The following ARFGEF1 variants were observed in gnomAD, a reference collection of about 807,000 sequenced individuals.
ARFGEF1 encodes ARF guanine nucleotide exchange factor 1.
ARFGEF1 carries 42 observed loss-of-function variants against 231.0 expected under a neutral mutation model. The observed-to-expected ratio is 0.18, with a 90% CI of 0.14 to 0.24. The LOEUF (loss-of-function observed/expected upper bound fraction) is 0.24. Among genes scored for constraint, ARFGEF1 ranks in the 10% least tolerant of loss-of-function variants. ARFGEF1 has a pLI of 1.00. For synonymous variants in ARFGEF1, 710 were observed against 732.3 expected (o/e 0.97, Z 0.49); for missense variants, 1,345 against 2,192.0 (o/e 0.61, Z 7.72).
chr8:67,196,553 TAATTAA>T (rs1310238481), downstream of ARFGEF1, among the ~76,000 whole-genome samples: 1 of 152,240 alleles, frequency 6.6e-6, no homozygotes, highest in East Asian at 1.9e-4. Context: ...TCCTCTGATG[TAATTAA>T]CGGTTGGTAG....
rs117975044 is a variant in ARFGEF1, at chr8:67,290,523, T to G, written c.916+1324A>C. 7.6e-3 allele frequency among the ~76,000 whole-genome samples: 1,160 copies of G among 152,364 alleles called. 9 individuals carry two copies. The highest frequency in any genetic ancestry group is 0.011 in the Non-Finnish European group (748 of 68,034). ...ATCACATATTATACCTTATTTATGC[T>G]CACTTGACTTCCAAGTATGCTAAGA... On this transcript the variant is annotated intron_variant, in intron 6 of 38. Coordinates refer to ENST00000262215, the MANE Select transcript of ARFGEF1 (RefSeq NM_006421.5).
intron 1 of ARFGEF1, among the ~76,000 whole-genome samples, chr8:67,308,412 A>T (rs1806844592): frequency 6.6e-6 from 1 of 152,254 alleles, no homozygotes; most frequent in Non-Finnish European, 1.5e-5. Context: ...TGCCAGGATC[A>T]TGGAAAGCTC....
At chr8:67,253,326 T>C in intron 18 of ARFGEF1, 125 bp downstream of exon 18, 1 of 571,484 alleles carries the variant, frequency 1.7e-6, no homozygotes. Context: ...TCCTTCTGCT[T>C]CAGCCTCCCT....
intron 38 of ARFGEF1, chr8:67,199,998 C>CA (rs1288198151): frequency 3.9e-5 from 12 of 310,282 alleles, no homozygotes; most frequent in Admixed American, 8.0e-5. Context: ...GGAACAGCTG[C>CA]AGCCCAGAGC....
chr8:67,206,677 A>C (rs1451109359), intron 34 of ARFGEF1, among the ~76,000 whole-genome samples: 1 of 152,128 alleles, frequency 6.6e-6, no homozygotes, highest in Non-Finnish European at 1.5e-5. Flanking sequence ...AGAGGACTCA[A>C]CTCCTGAGAT....
intron 1 of ARFGEF1, among the ~76,000 whole-genome samples, chr8:67,342,049 TAAC>T (rs1416935408): frequency 2.6e-5 from 4 of 152,236 alleles, no homozygotes; most frequent in African/African-American, 9.6e-5. Context: ...CTAGACTCCT[TAAC>T]TCTAGCATAC....
intron 34 of ARFGEF1, among the ~76,000 whole-genome samples, chr8:67,211,179 A>G (rs1171977164): frequency 2.0e-5 from 3 of 151,826 alleles, no homozygotes; most frequent in Admixed American, 6.6e-5. Context: ...CCCCGTCTCG[A>G]CTAAAAATAC....
chr8:67,300,747 G>T (rs1362135071), intron 3 of ARFGEF1, among the ~76,000 whole-genome samples: 2 of 151,646 alleles, frequency 1.3e-5, no homozygotes, highest in African/African-American at 2.4e-5. Context: ...AGAAGTCTGG[G>T]GCAGGAGAAT....
intron 3 of ARFGEF1, 96 bp downstream of exon 3, chr8:67,301,128 A>G: frequency 2.5e-6 from 3 of 1,219,936 alleles, no homozygotes; most frequent in Non-Finnish European, 3.3e-6. Flanking sequence ...AGAGTATTCA[A>G]AGCTTTCATG....
At chr8:67,285,041 G>A (rs1287886043) in intron 7 of ARFGEF1, among the ~76,000 whole-genome samples, 1 of 128,454 alleles carries the variant, frequency 7.8e-6, no homozygotes, top group African/African-American at 2.9e-5. Flanking sequence ...TGATGATACA[G>A]GATTATAACA....
intron 34 of ARFGEF1, among the ~76,000 whole-genome samples, chr8:67,205,639 C>G (rs1407128665): frequency 2.0e-5 from 3 of 152,024 alleles, no homozygotes; most frequent in African/African-American, 7.2e-5. Flanking sequence ...GTTGAATCAC[C>G]TGAGGTCAGG....
rs1491505711 is a variant in ARFGEF1, at chr8:67,185,117, A to AT, written c.561-9546_561-9545insA. On this transcript the variant is annotated intron_variant, in intron 5 of 5. Transcript: ENST00000518789. ...AAGACTCCGTCTCAAAAAAAAAAAA[A>AT]CAAAAACAAACAAACAAACAAACAA... 7.7e-4 allele frequency among the ~76,000 whole-genome samples: 115 copies of AT among 149,500 alleles called. 2 individuals carry two copies. Among genetic ancestry groups the AT allele is most frequent in the Non-Finnish European group, 3.1e-4 (21 of 67,834 alleles).
At chr8:67,271,536 C>T (rs1391749290) in intron 10 of ARFGEF1, among the ~76,000 whole-genome samples, 166 bp downstream of exon 10, 1 of 152,046 alleles carries the variant, frequency 6.6e-6, no homozygotes, top group Non-Finnish European at 1.5e-5. Context: ...GTGCCTAGTA[C>T]TTCGTTGGCA....
At chr8:67,243,685 A>C (rs761889286) in intron 19 of ARFGEF1, among the ~76,000 whole-genome samples, 3 of 152,142 alleles carry the variant, frequency 2.0e-5, no homozygotes, top group Non-Finnish European at 4.4e-5. Context: ...ATAAACACCT[A>C]ATTACTCAAA....
At chr8:67,276,647 A>G (rs765644761) in intron 8 of ARFGEF1, among the ~76,000 whole-genome samples, 1 of 152,160 alleles carries the variant, frequency 6.6e-6, no homozygotes, top group East Asian at 1.9e-4. Context: ...AGAACCTGTC[A>G]TTACCATGGT....
At chr8:67,239,968 GAC>G (rs1839881254) in intron 20 of ARFGEF1, among the ~76,000 whole-genome samples, 192 bp downstream of exon 20, 8 of 152,026 alleles carry the variant, frequency 5.3e-5, no homozygotes, top group Admixed American at 2.0e-4. Context: ...GATAAACTTA[GAC>G]AGATCAGTAT....
At chr8:67,294,522 G>A (rs1238883919) in intron 5 of ARFGEF1, among the ~76,000 whole-genome samples, 1 of 152,178 alleles carries the variant, frequency 6.6e-6, no homozygotes, top group East Asian at 1.9e-4. Context: ...TCTCACACTG[G>A]TAATGATTAG....
At chr8:67,188,411 C>T (rs930432306) in intron 5 of ARFGEF1, among the ~76,000 whole-genome samples, 1 of 152,042 alleles carries the variant, frequency 6.6e-6, no homozygotes, top group Non-Finnish European at 1.5e-5. Flanking sequence ...GTAAAGAGGG[C>T]TCACTAAAAT....
intron 5 of ARFGEF1, among the ~76,000 whole-genome samples, chr8:67,176,584 AC>A (rs916895143): frequency 1.1e-4 from 16 of 152,286 alleles, no homozygotes; most frequent in African/African-American, 3.6e-4. Context: ...CAACCTTTGT[AC>A]CCAGTCTGGT....
Sources: allele counts gnomAD v4.1 joint callset (sites outside exome capture counted in the v4.1 genomes callset), GRCh38; gene constraint gnomAD v4.1.1; transcripts MANE v1.5; gene names NCBI Gene and HGNC (gene_info 2026-07-23, HGNC 2026-07-21).